Variants in STT3A observed in about 807,000 individuals in gnomAD.
STT3A encodes the protein STT3 oligosaccharyltransferase complex catalytic subunit A.
A neutral mutation model predicts 89.2 loss-of-function variants in STT3A; 34 were observed. The ratio of observed to expected loss-of-function variants is 0.38; its 90% CI spans 0.29 to 0.51. The LOEUF is 0.51. STT3A is among the 20% of genes least tolerant of loss of function. STT3A has a pLI of 0.89. For missense variants in STT3A, 555 were observed against 889.5 expected, an observed-to-expected ratio of 0.62 and a Z score of 4.78; for synonymous variants, 282 against 310.3, an observed-to-expected ratio of 0.91 and a Z score of 0.96.
chr11:125,616,613 T>G (rs1457681971), intron 15 of STT3A, among the ~76,000 whole-genome samples: 3 of 151,870 alleles, frequency 2.0e-5, no homozygotes, highest in Non-Finnish European at 4.4e-5. Context: ...CTGGCCCAGC[T>G]TCTTTTTTTG....
chr11:125,616,824 C>T (rs1396754834), intron 15 of STT3A, among the ~76,000 whole-genome samples: 1 of 152,134 alleles, frequency 6.6e-6, no homozygotes, highest in Non-Finnish European at 1.5e-5. Context: ...ACTACAGGCA[C>T]ACACCACCAT....
chr11:125,604,164 G>A lies in STT3A; in HGVS notation c.425G>A (p.Gly142Glu), dbSNP rs1200688541. ...ACCCTTTTTTTCTTACAGGATGCAG[G>A]GGCTGGGCTTCTTGCTGCTGCCATG... ...YHLTKELKDA[G>E]AGLLAAAMIA... Residue 142 changes from glycine to glutamate, a missense_variant, in exon 6 of 18, where the codon GGG becomes GAG. Gly to Glu is a moderately conservative substitution (Grantham distance 98). Coordinates refer to ENST00000392708, the MANE Select transcript of STT3A (RefSeq NM_152713.5). 1 of 1,613,874 alleles carries A rather than the reference G, an allele frequency of 6.2e-7. No homozygotes were observed. The highest frequency in any genetic ancestry group is 1.3e-5 in the African/African-American group (1 of 74,898).
At chr11:125,608,843 A>G (rs1437479804) in intron 9 of STT3A, among the ~76,000 whole-genome samples, 1 of 152,028 alleles carries the variant, frequency 6.6e-6, no homozygotes, top group African/African-American at 2.4e-5. Context: ...TCTTAATCAC[A>G]CCTGGTGAAA....
chr11:125,619,233 T>G (rs1940273624), intron 16 of STT3A, among the ~76,000 whole-genome samples: 1 of 150,418 alleles, frequency 6.6e-6, no homozygotes, highest in African/African-American at 2.4e-5. Context: ...TTTTTTTTTG[T>G]ATTTTTAGTA....
At chr11:125,610,470 GC>G (rs1939970615) in intron 10 of STT3A, among the ~76,000 whole-genome samples, 1 of 152,102 alleles carries the variant, frequency 6.6e-6, no homozygotes, top group African/African-American at 2.4e-5. Context: ...TATAATCCTA[GC>G]CAGTTAGGAG....
At chr11:125,595,133 C>A (rs1424101406) in intron 1 of STT3A, 3 of 148,884 alleles carry the variant, frequency 2.0e-5, no homozygotes, top group African/African-American at 7.4e-5. Context: ...GTCGTGACTT[C>A]TATTTTTCCT....
chr11:125,603,343 AT>A, intron 5 of STT3A: 4 of 158,444 alleles, frequency 2.5e-5, no homozygotes, highest in South Asian at 3.7e-4. Flanking sequence ...TTTAAAAAAA[AT>A]TTTTTTTTAT....
chr11:125,616,555 G>T (rs1026343463), intron 15 of STT3A, among the ~76,000 whole-genome samples: 24 of 152,176 alleles, frequency 1.6e-4, no homozygotes, highest in African/African-American at 5.8e-4. Flanking sequence ...TTACTAATAG[G>T]AGTTCTGTAA....
At chr11:125,610,698 A>T (rs74640759) in intron 10 of STT3A, 17,090 of 151,968 alleles carry the variant, frequency 0.11, 1,466 homozygotes, top group African/African-American at 0.24. Context: ...ACTTAAAAAA[A>T]AATAATAATA....
Position 125,595,989 on chromosome 11 carries a change from T to C in STT3A, c.74T>C (p.Met25Thr). 5.6e-6 allele frequency: 9 copies of C among 1,613,644 alleles called. No homozygotes were observed. The highest frequency in any genetic ancestry group is 7.6e-6 in the Non-Finnish European group (9 of 1,179,554). ...DTLLKLLILS[M>T]AAVLSFSTRL... ...CTTTTGAAGCTTCTCATTCTGTCAA[T>C]GGCTGCTGTATTATGTGAGTGTGCA... Residue 25 changes from methionine to threonine, a missense_variant, in exon 2 of 18, where the codon ATG becomes ACG. Physicochemically the swap from Met to Thr is moderately conservative, Grantham distance 81 (BLOSUM62 -1). Around this residue, in one of 5 missense-constraint regions of STT3A, gnomAD observed 129 missense variants for 193.2 expected, o/e 0.67. Coordinates refer to ENST00000392708, the MANE Select transcript of STT3A (RefSeq NM_152713.5).
intron 10 of STT3A, among the ~76,000 whole-genome samples, chr11:125,610,084 A>G (rs1397541962): frequency 1.7e-5 from 2 of 114,534 alleles, no homozygotes; most frequent in Non-Finnish European, 3.4e-5. Flanking sequence ...TTTTTTTGAG[A>G]TAGAGTCTTG....
In STT3A at chr11:125,613,280, G is replaced by A; in HGVS notation, c.1554+103G>A. 1 of 1,307,812 alleles carries A rather than the reference G, an allele frequency of 7.6e-7. No individual in the cohort carries two copies. Among genetic ancestry groups the A allele is most frequent in the South Asian group, 1.4e-5 (1 of 71,230 alleles). The allele number at this position is 1,307,812 out of a possible 1,614,324, so 81.0% of individuals were successfully genotyped here. On this transcript the variant is annotated intron_variant, in intron 13 of 17. Coordinates refer to ENST00000392708, the MANE Select transcript of STT3A (RefSeq NM_152713.5). This position sits in a 1 kb window ranked among gnomAD's most constrained non-coding sequence, Gnocchi z 4.2. The stretch of plus-strand genomic sequence containing the variant: ...CTTTTAGATGGGTGGAAAGCTGGGT[G>A]AAACTGGAACTTTGCAACTCTAGTC...
intron 3 of STT3A, among the ~76,000 whole-genome samples, chr11:125,597,750 G>A (rs564423311): frequency 2.6e-5 from 4 of 152,306 alleles, no homozygotes; most frequent in African/African-American, 9.6e-5. Context: ...TTATCAGTTT[G>A]ATAAGGAATT....
chr11:125,596,776 T>C (rs1939512669), intron 2 of STT3A, among the ~76,000 whole-genome samples: 2 of 152,152 alleles, frequency 1.3e-5, no homozygotes, highest in African/African-American at 4.8e-5. Flanking sequence ...AAGATGACCA[T>C]GTAAGTTGAG....
intron 1 of STT3A, chr11:125,595,041 C>T (rs1236726721): frequency 6.6e-6 from 1 of 151,902 alleles, no homozygotes; most frequent in Non-Finnish European, 1.5e-5. Context: ...GACCCGACAG[C>T]CCCATTGGGA....
intron 8 of STT3A, 97 bp downstream of exon 8, chr11:125,606,562 T>G: frequency 7.5e-7 from 1 of 1,334,616 alleles, no homozygotes; most frequent in Non-Finnish European, 1.0e-6. Context: ...AGAGTACGAC[T>G]TATTCACAGC....
chr11:125,618,703 T>A, intron 16 of STT3A, 142 bp downstream of exon 16: 1 of 750,406 alleles, frequency 1.3e-6, no homozygotes, highest in African/African-American at 1.8e-5. Flanking sequence ...AGGCATATAC[T>A]GATATTATTG....
chr11:125,617,345 A>G (rs1442795974), intron 15 of STT3A, among the ~76,000 whole-genome samples: 1 of 152,166 alleles, frequency 6.6e-6, no homozygotes, highest in Non-Finnish European at 1.5e-5. Flanking sequence ...AGAGAGGTTA[A>G]ATAACTTGCC....
At chr11:125,594,147 C>A (rs940356240) in intron 1 of STT3A, among the ~76,000 whole-genome samples, 26 of 152,146 alleles carry the variant, frequency 1.7e-4, no homozygotes, top group African/African-American at 6.3e-4. Context: ...ACATTATATA[C>A]ATGTACCAAA....
Sources: allele counts gnomAD v4.1 joint callset (sites outside exome capture counted in the v4.1 genomes callset), GRCh38; gene constraint gnomAD v4.1.1; regional missense constraint gnomAD v4.1.1; non-coding constraint Gnocchi (gnomAD v3.1); transcripts MANE v1.5; gene names NCBI Gene and HGNC (gene_info 2026-07-23, HGNC 2026-07-21).